The following NFILZ variants were observed in gnomAD, a reference collection of about 807,000 sequenced individuals.
NFILZ encodes NFIL3 like protein.
At chr19:8,647,475 G>A (rs2042943591) in intron 3 of NFILZ, among the ~76,000 whole-genome samples, 1 of 151,970 alleles carries the variant, frequency 6.6e-6, no homozygotes, top group African/African-American at 2.4e-5. Flanking sequence ...GGGATACTGA[G>A]GCAGGAGAAT....
At chr19:8,656,828 A>G (rs533558466) in intron 3 of NFILZ, among the ~76,000 whole-genome samples, 253 of 152,282 alleles carry the variant, frequency 1.7e-3, no homozygotes, top group African/African-American at 5.9e-3. Flanking sequence ...CTCATGCACC[A>G]GGGAGGGTCT....
chr19:8,632,245 AGTGTGTGT>A (rs35056229), intron 1 of NFILZ, among the ~76,000 whole-genome samples: 9 of 145,332 alleles, frequency 6.2e-5, no homozygotes, highest in South Asian at 2.2e-4. Context: ...CCCGCCATAC[AGTGTGTGT>A]GTGTGTGTGT....
chr19:8,656,967 G>A (rs1345934322), intron 3 of NFILZ, among the ~76,000 whole-genome samples: 2 of 152,038 alleles, frequency 1.3e-5, no homozygotes, highest in African/African-American at 4.8e-5. Flanking sequence ...CTTTGTCCTG[G>A]GGGTTGTCTG....
chr19:8,661,667 G>A (rs2146161881), intron 3 of NFILZ, among the ~76,000 whole-genome samples: 1 of 152,266 alleles, frequency 6.6e-6, no homozygotes, highest in African/African-American at 2.4e-5. Context: ...CGAGGAGGGT[G>A]GATCATTTGA....
At chr19:8,656,487 CACCTTCTCCCGCAGCCCA>C in intron 3 of NFILZ, among the ~76,000 whole-genome samples, 1 of 95,816 alleles carries the variant, frequency 1.0e-5, no homozygotes, top group African/African-American at 4.5e-5. Flanking sequence ...TCCCGCAGCC[CACCTTCTCCCGCAGCCCA>C]CCTTCTCCTG....
intron 3 of NFILZ, among the ~76,000 whole-genome samples, chr19:8,641,976 G>T (rs2042921125): frequency 6.6e-6 from 1 of 152,074 alleles, no homozygotes; most frequent in African/African-American, 2.4e-5. Context: ...CCACAGATGT[G>T]CACCATCATG....
intron 3 of NFILZ, among the ~76,000 whole-genome samples, chr19:8,637,010 T>A (rs1014201130): frequency 5.0e-4 from 76 of 152,096 alleles, no homozygotes; most frequent in African/African-American, 1.7e-3. Context: ...AGGTGAGGTA[T>A]AGGACAGGGT....
intron 3 of NFILZ, among the ~76,000 whole-genome samples, chr19:8,656,227 C>CCCA (rs2042992326): frequency 9.0e-6 from 1 of 110,988 alleles, no homozygotes; most frequent in African/African-American, 3.2e-5. Context: ...CCACCTTCTC[C>CCCA]CAGAAACCCT....
At chr19:8,669,664 T>C (rs1555750115) in intron 3 of NFILZ, among the ~76,000 whole-genome samples, 1 of 152,218 alleles carries the variant, frequency 6.6e-6, no homozygotes, top group Non-Finnish European at 1.5e-5. Context: ...TGGGGACATT[T>C]AACCTGGTGC....
At chr19:8,657,088 G>T (rs2043007590) in intron 3 of NFILZ, among the ~76,000 whole-genome samples, 1 of 151,860 alleles carries the variant, frequency 6.6e-6, no homozygotes, top group Non-Finnish European at 1.5e-5. Flanking sequence ...GTCTGGGGTG[G>T]TTTTGTGGAG....
intron 3 of NFILZ, among the ~76,000 whole-genome samples, chr19:8,670,851 C>G (rs1270511997): frequency 6.6e-6 from 1 of 152,106 alleles, no homozygotes; most frequent in Non-Finnish European, 1.5e-5. Context: ...AAAAATTAGT[C>G]AGGCGTGGTG....
At chr19:8,663,388 TG>T (rs1191151609) in intron 3 of NFILZ, among the ~76,000 whole-genome samples, 3 of 82,602 alleles carry the variant, frequency 3.6e-5, no homozygotes, top group Non-Finnish European at 4.7e-5. Context: ...CTGGTGGCAG[TG>T]GGGGATGGAA....
intron 3 of NFILZ, among the ~76,000 whole-genome samples, chr19:8,665,082 G>C (rs2043055622): frequency 6.6e-6 from 1 of 152,084 alleles, no homozygotes; most frequent in Admixed American, 6.6e-5. Flanking sequence ...TTATTCGACT[G>C]TCTATTCAGG....
intron 3 of NFILZ, among the ~76,000 whole-genome samples, chr19:8,647,748 A>AACACACACAC (rs138740763): frequency 0.02 from 2,696 of 134,070 alleles, 30 homozygotes; most frequent in Middle Eastern, 0.092. Flanking sequence ...GGAGGGGAAC[A>AACACACACAC]ACACACACAC....
intron 3 of NFILZ, among the ~76,000 whole-genome samples, chr19:8,664,289 C>G (rs546709889): frequency 2.0e-5 from 3 of 152,326 alleles, no homozygotes; most frequent in African/African-American, 7.2e-5. Context: ...AGAGGAGTCA[C>G]TTGTCCAAGT....
intron 3 of NFILZ, among the ~76,000 whole-genome samples, chr19:8,650,765 T>G (rs2042961657): frequency 6.6e-6 from 1 of 152,128 alleles, no homozygotes; most frequent in Non-Finnish European, 1.5e-5. Flanking sequence ...CAGTACAGAA[T>G]TTACTTGGAT....
intron 3 of NFILZ, among the ~76,000 whole-genome samples, chr19:8,656,305 G>A (rs879140649): frequency 0.11 from 3,015 of 27,556 alleles, 336 homozygotes; most frequent in East Asian, 0.34. Context: ...ACCTCCTCCC[G>A]CAGCGCACCT....
At chr19:8,669,161 T>C (rs1555750077) in intron 3 of NFILZ, among the ~76,000 whole-genome samples, 1 of 152,200 alleles carries the variant, frequency 6.6e-6, no homozygotes. Flanking sequence ...GCCAGGCTGG[T>C]CTCGAACTTC....
At chr19:8,648,487 T>C (rs28445585) in intron 3 of NFILZ, among the ~76,000 whole-genome samples, 2,557 of 152,156 alleles carry the variant, frequency 0.017, 70 homozygotes, top group African/African-American at 0.059. Context: ...ATGATTAAAA[T>C]GGTTAGTTTT....
Sources: gnomAD v4.1 joint callset for allele counts (sites outside exome capture counted in the v4.1 genomes callset) on GRCh38, gnomAD v4.1.1 for gene constraint, MANE v1.5 for transcripts, NCBI Gene and HGNC (gene_info 2026-07-23, HGNC 2026-07-21) for gene names.